CDYL: variants seen among roughly 807,000 people sequenced by gnomAD.
CDYL encodes chromodomain Y like, also known as chromodomain Y-like protein.
In CDYL, 8 loss-of-function variants were observed where a neutral mutation model predicts 47.3. The observed-to-expected ratio is 0.17, with a 90% CI of 0.10 to 0.31. The LOEUF (loss-of-function observed/expected upper bound fraction) is 0.31. Among genes scored for constraint, CDYL ranks in the 10% least tolerant of loss-of-function variants. CDYL has a pLI of 1.00. For missense variants in CDYL, 471 were observed against 701.4 expected (o/e 0.67, Z 3.71); for synonymous variants, 266 against 265.0 (o/e 1.00, Z -0.04).
At chr6:4,887,932 T>C (rs568617038) in intron 1 of CDYL, among the ~76,000 whole-genome samples, 84 of 152,188 alleles carry the variant, frequency 5.5e-4, no homozygotes, top group African/African-American at 1.8e-3. Context: ...TCAGGTGTTT[T>C]TTCTGCATCT....
intron 1 of CDYL, among the ~76,000 whole-genome samples, chr6:4,796,544 C>T (rs1462786906): frequency 6.6e-6 from 1 of 152,024 alleles, no homozygotes; most frequent in Non-Finnish European, 1.5e-5. Context: ...TATAGGTTTG[C>T]CAATAAATAT....
chr6:4,863,363 T>C (rs1470676724), intron 1 of CDYL, among the ~76,000 whole-genome samples: 1 of 152,232 alleles, frequency 6.6e-6, no homozygotes, highest in Non-Finnish European at 1.5e-5. Context: ...ATCATTAAAT[T>C]ATTTTTAAAA....
rs1479614446 is a variant in CDYL, at chr6:4,891,887, A to G, written c.199A>G (p.Thr67Ala). ...RRHTEKQKES[T>A]LTRTNRTSPN... is the part of the protein sequence containing the mutation. ...CCACACGGAGAAGCAGAAGGAGAGC[A>G]CATTGACCAGAACAAACAGGACCTC... The change falls in exon 2 of 7, where the codon ACA becomes GCA. Residue 67 changes from threonine to alanine, a missense_variant. This residue lies in a region of CDYL where 311 missense variants were observed against 350.0 expected (regional missense o/e 0.89). Transcript: ENST00000397588. The G allele has an allele frequency of 1.2e-6, 2 of 1,614,206 alleles. No individual in the cohort carries two copies. Among genetic ancestry groups the G allele is most frequent in the Non-Finnish European group, 8.5e-7 (1 of 1,180,042 alleles).
At chr6:4,807,302 CTG>C (rs1362497642) in intron 1 of CDYL, among the ~76,000 whole-genome samples, 7 of 152,206 alleles carry the variant, frequency 4.6e-5, no homozygotes, top group Non-Finnish European at 1.0e-4. Flanking sequence ...GTGATATTAA[CTG>C]TAATCACTTG....
chr6:4,789,567 A>T (rs1758862416), intron 1 of CDYL, among the ~76,000 whole-genome samples: 1 of 152,148 alleles, frequency 6.6e-6, no homozygotes, highest in African/African-American at 2.4e-5. Flanking sequence ...GCTGCTACCC[A>T]GTACAGTCCT....
intron 1 of CDYL, among the ~76,000 whole-genome samples, chr6:4,835,165 A>G (rs1316818036): frequency 6.6e-6 from 1 of 151,966 alleles, no homozygotes; most frequent in Non-Finnish European, 1.5e-5. Context: ...TAGAGTTTCC[A>G]GTTTTTGTGC....
intron 5 of CDYL, among the ~76,000 whole-genome samples, chr6:4,947,806 G>A (rs564395064): frequency 6.6e-6 from 1 of 152,264 alleles, no homozygotes; most frequent in East Asian, 1.9e-4. Context: ...AGGGAGCTCT[G>A]GAACCACGTG....
chr6:4,885,350 T>C (rs1761873438), intron 1 of CDYL, among the ~76,000 whole-genome samples: 1 of 152,180 alleles, frequency 6.6e-6, no homozygotes, highest in African/African-American at 2.4e-5. Flanking sequence ...TTTTATGTTG[T>C]CTTGATGTGT....
At chr6:4,945,640 A>G (rs1448960632) in intron 5 of CDYL, among the ~76,000 whole-genome samples, 1 of 152,276 alleles carries the variant, frequency 6.6e-6, no homozygotes, top group African/African-American at 2.4e-5. Context: ...TTCCCAGGCC[A>G]CGTGTCCTTC....
intron 2 of CDYL, among the ~76,000 whole-genome samples, chr6:4,923,351 G>A (rs755035572): frequency 3.9e-5 from 6 of 152,136 alleles, no homozygotes; most frequent in Non-Finnish European, 8.8e-5. Context: ...CGTTCACTTA[G>A]CATGATGTCC....
intron 1 of CDYL, among the ~76,000 whole-genome samples, chr6:4,860,057 A>C (rs999165558): frequency 1.3e-5 from 2 of 151,268 alleles, no homozygotes; most frequent in African/African-American, 4.9e-5. Context: ...GCCCGCCACT[A>C]CCCCCAGCTA....
intron 1 of CDYL, among the ~76,000 whole-genome samples, chr6:4,887,297 G>A (rs1199058661): frequency 2.6e-5 from 4 of 152,034 alleles, no homozygotes. Flanking sequence ...GAGTTTTATG[G>A]TATTAACAGT....
At chr6:4,950,594 T>C (rs931665095) in intron 5 of CDYL, among the ~76,000 whole-genome samples, 1 of 152,150 alleles carries the variant, frequency 6.6e-6, no homozygotes, top group Non-Finnish European at 1.5e-5. Context: ...GTCTTTTCAC[T>C]GAGAAGAAGC....
chr6:4,768,758 G>C (rs975852531), intron 3 of CDYL, among the ~76,000 whole-genome samples: 4 of 152,146 alleles, frequency 2.6e-5, no homozygotes, highest in African/African-American at 9.7e-5. Flanking sequence ...ACAGGGGCTG[G>C]GAGTGGAGAA....
At chr6:4,820,995 A>G (rs571362892) in intron 1 of CDYL, among the ~76,000 whole-genome samples, 1 of 152,204 alleles carries the variant, frequency 6.6e-6, no homozygotes, top group Non-Finnish European at 1.5e-5. Flanking sequence ...TTCAGTATTA[A>G]TAGCAGTGGG....
At chr6:4,853,834 C>A (rs1438105820) in intron 1 of CDYL, among the ~76,000 whole-genome samples, 1 of 152,260 alleles carries the variant, frequency 6.6e-6, no homozygotes, top group Non-Finnish European at 1.5e-5. Context: ...AGCACACCTG[C>A]GTGTGCAGAA....
intron 1 of CDYL, among the ~76,000 whole-genome samples, chr6:4,713,732 C>T (rs998189953): frequency 6.6e-6 from 1 of 152,182 alleles, no homozygotes; most frequent in Non-Finnish European, 1.5e-5. Context: ...GGATTACAGG[C>T]ATGGGCCACC....
intron 1 of CDYL, among the ~76,000 whole-genome samples, chr6:4,706,427 G>A (rs183177654): frequency 2.0e-5 from 3 of 147,648 alleles, no homozygotes. Flanking sequence ...GAGTTTGGGT[G>A]GTTTTTTTTT....
intron 2 of CDYL, among the ~76,000 whole-genome samples, chr6:4,921,548 C>T (rs1304213266): frequency 1.3e-5 from 2 of 149,592 alleles, no homozygotes; most frequent in Non-Finnish European, 2.9e-5. Flanking sequence ...GCCCCCACTT[C>T]CTAGGCTCAG....
Sources: gnomAD v4.1 joint callset for allele counts (sites outside exome capture counted in the v4.1 genomes callset) on GRCh38, gnomAD v4.1.1 for gene constraint, gnomAD v4.1.1 regional missense constraint, MANE v1.5 for transcripts, NCBI Gene and HGNC (gene_info 2026-07-23, HGNC 2026-07-21) for gene names.